The following MFHAS1 variants were observed in gnomAD, a reference collection of about 807,000 sequenced individuals.
The protein encoded by MFHAS1 is multifunctional ROCO family signaling regulator 1.
A neutral mutation model predicts 70.4 loss-of-function variants in MFHAS1; 50 were observed. That is an observed-to-expected ratio of 0.71 (90% CI 0.57 to 0.90). MFHAS1 has a LOEUF of 0.90. Ranked by LOEUF, MFHAS1 falls within the 40% of genes least tolerant of loss-of-function variation. The pLI, the probability that MFHAS1 is intolerant of heterozygous loss-of-function variation, is 0.00. For synonymous variants in MFHAS1, 952 were observed against 620.0 expected, an observed-to-expected ratio of 1.54 and a Z score of -7.96; for missense variants, 1,795 against 1,347.6, an observed-to-expected ratio of 1.33 and a Z score of -5.20.
At position 8,797,349 on chromosome 8, in the gene MFHAS1, G is replaced by A. The variant is rs765154690; in HGVS notation, c.3125+16C>T. 6.8e-6 allele frequency: 11 copies of A among 1,612,884 alleles called. 1 individual carries two copies. In the Middle Eastern group the frequency reaches 6.6e-4, roughly 97 times the overall value. On this transcript the variant is annotated intron_variant, in intron 2 of 2. Coordinates refer to ENST00000276282, the MANE Select transcript of MFHAS1 (RefSeq NM_004225.3). ...AGGAGCCAGGTCCCGGGGCCAGAGGGACTTTGAGAACTCACTTGGAACAGG... is the reference window on the plus strand; with the variant it reads ...AGGAGCCAGGTCCCGGGGCCAGAGGAACTTTGAGAACTCACTTGGAACAGG...
At chr8:8,812,775 T>C (rs1389365656) in intron 1 of MFHAS1, among the ~76,000 whole-genome samples, 1 of 146,702 alleles carries the variant, frequency 6.8e-6, no homozygotes, top group Admixed American at 6.9e-5. Context: ...TGACTTCTTT[T>C]TTGCCTTTTT....
rs569392540 is a variant in MFHAS1 at position 8,838,932 on chromosome 8, A to T, written c.2999-41441T>A. 3.9e-5 allele frequency among the ~76,000 whole-genome samples: 6 copies of T among 152,330 alleles called. No individual in the cohort carries two copies. The South Asian group carries it at 1.2e-3, about 32-fold the overall frequency. ...ATCTAACACAATGACAACTAAGCAA[A>T]GGCATGTACCATTTTATAATATATG... On this transcript the variant is annotated intron_variant, in intron 1 of 2. Transcript: ENST00000276282.
At chr8:8,819,612 A>C (rs1024028069) in intron 1 of MFHAS1, among the ~76,000 whole-genome samples, 1 of 150,162 alleles carries the variant, frequency 6.7e-6, no homozygotes, top group African/African-American at 2.5e-5. Context: ...TCAAAACAAA[A>C]AAAAAAAAAA....
In MFHAS1 at chr8:8,806,880, G is replaced by T. The variant is rs1470222222; in HGVS notation, c.2999-9389C>A. 3.3e-5 allele frequency among the ~76,000 whole-genome samples: 5 copies of T among 152,004 alleles called. 1 individual carries two copies. The highest frequency in any genetic ancestry group is 2.0e-4 in the Admixed American group (3 of 15,248). ...GGAGGCTGAGGCAGGAGAATCGCTT[G>T]AACCCGGGAGGCAGAGGTTGCAGAG... On this transcript the variant is annotated intron_variant, in intron 1 of 2. Transcript: ENST00000276282.
At chr8:8,826,336 G>C (rs565014880) in intron 1 of MFHAS1, among the ~76,000 whole-genome samples, 1 of 151,816 alleles carries the variant, frequency 6.6e-6, no homozygotes, top group South Asian at 2.1e-4. Context: ...ACAGAACTCT[G>C]GATTGTGTGT....
At position 8,868,124 on chromosome 8, in the gene MFHAS1, G is replaced by A. The variant is rs930406038; in HGVS notation, c.2998+21937C>T. On this transcript the variant is annotated intron_variant, in intron 1 of 2. Transcript: ENST00000276282. ...CCATTTTCTAGACCAAGTTCCCAAC[G>A]CACAGGCTCTGAGGGGGATTCAGTT... Among the ~76,000 whole-genome samples, 10 of 152,006 alleles carry A rather than the reference G, an allele frequency of 6.6e-5. No homozygotes were observed. In the South Asian group the frequency reaches 1.9e-3, roughly 28 times the overall value.
chr8:8,809,532 G>T (rs575009315), intron 1 of MFHAS1, among the ~76,000 whole-genome samples: 1 of 152,104 alleles, frequency 6.6e-6, no homozygotes, highest in African/African-American at 2.4e-5. Context: ...CCACTCACTC[G>T]TCCCACCACG....
At chr8:8,859,202 G>A (rs543915288) in intron 1 of MFHAS1, among the ~76,000 whole-genome samples, 1 of 152,082 alleles carries the variant, frequency 6.6e-6, no homozygotes, top group Non-Finnish European at 1.5e-5. Flanking sequence ...AAATTACATG[G>A]GTGTAGTGGC....
At chr8:8,866,763 G>A (rs1186191868) in intron 1 of MFHAS1, among the ~76,000 whole-genome samples, 5 of 152,172 alleles carry the variant, frequency 3.3e-5, no homozygotes, top group Non-Finnish European at 7.3e-5. Flanking sequence ...GGCATGAATG[G>A]GACGGAAACG....
rs190607089 is a variant in MFHAS1 at position 8,857,685 on chromosome 8, G to A, written c.2998+32376C>T. ...TAAGGCAGGAGAATCGCTTGAACCC[G>A]GGAGGCAGAGGTTGCAGTGAGCCAA... On this transcript the variant is annotated intron_variant, in intron 1 of 2. Transcript: ENST00000276282. Among the ~76,000 whole-genome samples, 129 of 151,958 alleles carry A rather than the reference G, an allele frequency of 8.5e-4. 1 individual carries two copies. Among genetic ancestry groups the A allele is most frequent in the African/African-American group, 2.7e-3 (111 of 41,460 alleles).
At chr8:8,827,449 T>A (rs1014158141) in intron 1 of MFHAS1, among the ~76,000 whole-genome samples, 2 of 152,236 alleles carry the variant, frequency 1.3e-5, no homozygotes, top group Middle Eastern at 3.2e-3. Flanking sequence ...CTTAGCCACA[T>A]CCAATTTCAC....
intron 1 of MFHAS1, among the ~76,000 whole-genome samples, chr8:8,810,359 G>A (rs1023314045): frequency 2.6e-5 from 4 of 152,230 alleles, no homozygotes; most frequent in South Asian, 2.1e-4. Context: ...AAGCAAGACC[G>A]TCTTGGGAAA....
chr8:8,836,017 C>T (rs983825721), intron 1 of MFHAS1, among the ~76,000 whole-genome samples: 2 of 152,342 alleles, frequency 1.3e-5, no homozygotes, highest in Middle Eastern at 3.4e-3. Flanking sequence ...GAAATAATTA[C>T]TATCTAGCCC....
At chr8:8,790,464 A>T in intron 2 of MFHAS1, 1 of 736,006 alleles carries the variant, frequency 1.4e-6, no homozygotes, top group Non-Finnish European at 1.7e-6. Flanking sequence ...TTCCAGTATC[A>T]ATGTGGCTGA....
chr8:8,830,511 T>C (rs1175394975), intron 1 of MFHAS1, among the ~76,000 whole-genome samples: 1 of 152,180 alleles, frequency 6.6e-6, no homozygotes, highest in East Asian at 1.9e-4. Context: ...GTGGGGGCTA[T>C]TCTAGAGTTC....
intron 1 of MFHAS1, chr8:8,860,083 A>C (rs1015487477): frequency 2.0e-5 from 3 of 152,176 alleles, no homozygotes; most frequent in Non-Finnish European, 4.4e-5. Flanking sequence ...AAAAAATGGA[A>C]ATAATTAATT....
Position 8,893,114 on chromosome 8 carries a change from C to T in MFHAS1, c.-56G>A, listed in dbSNP as rs1420740613. 4.7e-6 allele frequency: 6 copies of T among 1,274,158 alleles called. No homozygotes were observed. Among genetic ancestry groups the T allele is most frequent in the African/African-American group, 1.6e-5 (1 of 63,224 alleles). The allele number at this position is 1,274,158 out of a possible 1,614,324, so 78.9% of individuals were successfully genotyped here. On this transcript the variant is annotated 5_prime_UTR_variant, in exon 1 of 3. Coordinates refer to ENST00000276282, the MANE Select transcript of MFHAS1 (RefSeq NM_004225.3). ...GACGCGGGAGCCCGCAGCTACATGC[C>T]GCGCCGCGCCCCGGGCCCTCCGGCT...
chr8:8,851,636 A>T (rs531479315), intron 1 of MFHAS1, among the ~76,000 whole-genome samples: 3 of 152,356 alleles, frequency 2.0e-5, no homozygotes, highest in African/African-American at 7.2e-5. Flanking sequence ...TTGCAAAACA[A>T]AACTGGAAAC....
chr8:8,884,041 AAC>A (rs10660555), intron 1 of MFHAS1, among the ~76,000 whole-genome samples: 4,447 of 134,058 alleles, frequency 0.033, 81 homozygotes, highest in Non-Finnish European at 0.04. Flanking sequence ...CTATTTCACA[AAC>A]ACACACACAC....
Sources: allele counts gnomAD v4.1 joint callset (sites outside exome capture counted in the v4.1 genomes callset), GRCh38; gene constraint gnomAD v4.1.1; transcripts MANE v1.5; gene names NCBI Gene and HGNC (gene_info 2026-07-23, HGNC 2026-07-21).